SMOC2: variants seen among roughly 807,000 people sequenced by gnomAD.
The protein encoded by SMOC2 is SPARC related modular calcium binding 2.
SMOC2 carries 39 observed loss-of-function variants against 61.4 expected under a neutral mutation model. The observed-to-expected ratio is 0.64, with a 90% CI of 0.49 to 0.83. SMOC2 has a LOEUF of 0.83. Among genes scored for constraint, SMOC2 ranks in the 40% least tolerant of loss-of-function variants. The pLI, the probability that SMOC2 is intolerant of heterozygous loss-of-function variation, is 0.00. For synonymous variants in SMOC2, 247 were observed against 239.9 expected (o/e 1.03, Z -0.27); for missense variants, 556 against 592.9 (o/e 0.94, Z 0.65).
At chr6:168,601,363 G>A (rs1256261539) in intron 8 of SMOC2, among the ~76,000 whole-genome samples, 3 of 152,218 alleles carry the variant, frequency 2.0e-5, no homozygotes, top group Non-Finnish European at 2.9e-5. Flanking sequence ...CCACTCAGCC[G>A]ACACTGCACA....
intron 1 of SMOC2, among the ~76,000 whole-genome samples, chr6:168,464,081 C>T (rs144444208): frequency 0.037 from 5,600 of 150,866 alleles, 159 homozygotes; most frequent in South Asian, 0.13. Context: ...ATCCCAGCTA[C>T]TTGGGAGGCT....
chr6:168,551,734 G>A (rs147158191), intron 7 of SMOC2, among the ~76,000 whole-genome samples: 61 of 152,286 alleles, frequency 4.0e-4, no homozygotes, highest in African/African-American at 1.3e-3. Context: ...GATTATGGGC[G>A]TGAGCCACCA....
At chr6:168,542,069 G>T (rs1288918625) in intron 4 of SMOC2, among the ~76,000 whole-genome samples, 2 of 152,154 alleles carry the variant, frequency 1.3e-5, no homozygotes, top group Non-Finnish European at 2.9e-5. Flanking sequence ...GAAATATTCA[G>T]AACTATTATC....
intron 1 of SMOC2, among the ~76,000 whole-genome samples, chr6:168,470,020 A>C (rs1781935089): frequency 6.6e-6 from 1 of 152,246 alleles, no homozygotes. Flanking sequence ...TGTGTGCTTC[A>C]GTGCAGAATT....
chr6:168,614,399 C>G (rs1785991254), intron 9 of SMOC2, among the ~76,000 whole-genome samples: 1 of 98,004 alleles, frequency 1.0e-5, no homozygotes, highest in Non-Finnish European at 2.0e-5. Flanking sequence ...ACAGCCAGCA[C>G]AGGGCCTCTT....
intron 2 of SMOC2, among the ~76,000 whole-genome samples, chr6:168,518,776 C>T (rs111218206): frequency 0.032 from 4,724 of 149,106 alleles, 99 homozygotes; most frequent in Non-Finnish European, 0.05. Flanking sequence ...TGCGTGTGTG[C>T]ATGTGTGAAA....
intron 8 of SMOC2, among the ~76,000 whole-genome samples, chr6:168,599,768 A>C (rs1583148173): frequency 3.2e-5 from 2 of 62,466 alleles, no homozygotes; most frequent in African/African-American, 1.3e-4. Context: ...AATCCCCCAA[A>C]CACCCCCCCA....
Position 168,475,442 on chromosome 6 carries a change from C to G in SMOC2, c.84+33988C>G, listed in dbSNP as rs1782056477. On this transcript the variant is annotated intron_variant, in intron 1 of 12. Transcript: ENST00000356284. This position sits in a 1 kb window ranked among gnomAD's most constrained non-coding sequence, Gnocchi z 4.6. ...ACCTTGCTCAATCCCTCCCCCACCCCACCAGGTCGTGATCCCTGAGGGAAG... is the reference window on the plus strand; with the variant it reads ...ACCTTGCTCAATCCCTCCCCCACCCGACCAGGTCGTGATCCCTGAGGGAAG... Among the ~76,000 whole-genome samples the G allele has an allele frequency of 6.6e-6, 1 of 152,134 alleles. No homozygotes were observed. The highest frequency in any genetic ancestry group is 1.5e-5 in the Non-Finnish European group (1 of 68,006).
rs926639856 is a variant in SMOC2, at chr6:168,623,915, G to A, written c.907+15676G>A. Among the ~76,000 whole-genome samples the A allele has an allele frequency of 3.9e-5, 6 of 152,310 alleles. No homozygotes were observed. The East Asian group carries it at 1.2e-3, about 30-fold the overall frequency. On this transcript the variant is annotated intron_variant, in intron 9 of 12. Coordinates refer to ENST00000356284, the MANE Select transcript of SMOC2 (RefSeq NM_001166412.2). The stretch of plus-strand genomic sequence containing the variant: ...AGTGGCTGTGGGGATGGCAGAGGAA[G>A]GGAGGAGGGAGAGAGGCGCGCTCAC...
intron 7 of SMOC2, among the ~76,000 whole-genome samples, chr6:168,550,280 G>A (rs1470442742): frequency 1.3e-5 from 2 of 152,196 alleles, no homozygotes; most frequent in Non-Finnish European, 2.9e-5. Context: ...ATTCACAGAG[G>A]CTGCTTATGC....
chr6:168,666,649 G>GA lies in SMOC2; in HGVS notation c.*211_*212insA. On this transcript the variant is annotated 3_prime_UTR_variant, in exon 13 of 13. Transcript: ENST00000356284. ...AAAATTAATCACATACAATGTATGTGTCCTCTTTTGACCTTGGAAATCTGT... is the reference window on the plus strand; with the variant it reads ...AAAATTAATCACATACAATGTATGTGATCCTCTTTTGACCTTGGAAATCTGT... The GA allele has an allele frequency of 1.7e-6, 1 of 601,720 alleles. No homozygotes were observed. The highest frequency in any genetic ancestry group is 3.0e-6 in the Non-Finnish European group (1 of 335,272). 37.3% of individuals were successfully genotyped at this position (601,720 alleles called of 1,614,324 possible).
chr6:168,636,910 T>TCCCTCCTCCCTCCTCCC (rs1440848021), intron 9 of SMOC2, among the ~76,000 whole-genome samples: 1 of 55,736 alleles, frequency 1.8e-5, no homozygotes, highest in Non-Finnish European at 3.2e-5. Flanking sequence ...CCTGCCCGCA[T>TCCCTCCTCCCTCCTCCC]CCCTCCTCCC....
At chr6:168,570,339 C>T (rs1389569002) in intron 7 of SMOC2, among the ~76,000 whole-genome samples, 1 of 152,106 alleles carries the variant, frequency 6.6e-6, no homozygotes, top group Non-Finnish European at 1.5e-5. Context: ...CAGGAGCAAC[C>T]AGAGGAGCCT....
At chr6:168,480,786 C>A (rs1782188506) in intron 1 of SMOC2, among the ~76,000 whole-genome samples, 1 of 152,054 alleles carries the variant, frequency 6.6e-6, no homozygotes, top group Non-Finnish European at 1.5e-5. Context: ...ACCAAACTTT[C>A]AATAGACAAA....
chr6:168,481,935 C>T (rs1176601480), intron 1 of SMOC2, among the ~76,000 whole-genome samples: 3 of 151,550 alleles, frequency 2.0e-5, no homozygotes, highest in Admixed American at 6.6e-5. Flanking sequence ...ATTAATTCTA[C>T]CCTTTAAAAA....
intron 7 of SMOC2, among the ~76,000 whole-genome samples, chr6:168,594,110 AGGG>A (rs1301924286): frequency 7.5e-5 from 2 of 26,742 alleles, no homozygotes; most frequent in African/African-American, 1.1e-4. Context: ...AGGCCTCACG[AGGG>A]GCATCTTTCT....
chr6:168,520,005 C>G (rs930339850), intron 2 of SMOC2, among the ~76,000 whole-genome samples: 1 of 152,116 alleles, frequency 6.6e-6, no homozygotes, highest in Admixed American at 6.5e-5. Flanking sequence ...ACGAAAATGT[C>G]GTTCCTGTCT....
intron 6 of SMOC2, among the ~76,000 whole-genome samples, chr6:168,548,079 T>G (rs1018814874): frequency 2.0e-5 from 3 of 152,032 alleles, no homozygotes; most frequent in Non-Finnish European, 4.4e-5. Flanking sequence ...GTGTAAGGAG[T>G]ACACAGTATA....
At chr6:168,442,361 G>A (rs1781232129) in intron 1 of SMOC2, among the ~76,000 whole-genome samples, 1 of 152,250 alleles carries the variant, frequency 6.6e-6, no homozygotes, top group African/African-American at 2.4e-5. Flanking sequence ...CTATGTAGAG[G>A]GGGCTGAGCC....
Sources: gnomAD v4.1 joint callset for allele counts (sites outside exome capture counted in the v4.1 genomes callset) on GRCh38, gnomAD v4.1.1 for gene constraint, Gnocchi (gnomAD v3.1) non-coding constraint, MANE v1.5 for transcripts, NCBI Gene and HGNC (gene_info 2026-07-23, HGNC 2026-07-21) for gene names.